ARL10: variants seen among roughly 807,000 people sequenced by gnomAD.
ARL10 encodes ARF like GTPase 10.
Under a neutral mutation model 26.1 loss-of-function variants are expected in ARL10, and 23 were observed. That is an observed-to-expected ratio of 0.88 (90% CI 0.63 to 1.25). ARL10 has a LOEUF of 1.25. Ranked by LOEUF, ARL10 falls within the 50% of genes most tolerant of loss-of-function variation. ARL10 has a pLI of 0.00. For synonymous variants in ARL10, 138 were observed against 149.1 expected (o/e 0.93, Z 0.54); for missense variants, 300 against 323.6 (o/e 0.93, Z 0.56).
the ARL10 span, among the ~76,000 whole-genome samples, chr5:176,412,327 A>G: frequency 6.6e-6 from 1 of 152,094 alleles, no homozygotes; most frequent in South Asian, 2.1e-4. Flanking sequence ...CCAGGATATC[A>G]TACAGTATCC....
the ARL10 span, among the ~76,000 whole-genome samples, chr5:176,413,066 C>T: frequency 6.6e-6 from 1 of 152,212 alleles, no homozygotes; most frequent in African/African-American, 2.4e-5. Context: ...GAGTGTTCCT[C>T]TGGACATGCA....
intron 1 of ARL10, among the ~76,000 whole-genome samples, chr5:176,400,063 C>T (rs1241497430): frequency 2.0e-5 from 3 of 151,504 alleles, no homozygotes; most frequent in African/African-American, 4.8e-5. Flanking sequence ...TGGTGGCCCG[C>T]ACCTGTAATC....
At chr5:176,389,509 G>A, downstream of ARL10, 1 of 1,602,786 alleles carries the variant, frequency 6.2e-7, no homozygotes, top group Non-Finnish European at 8.5e-7. Flanking sequence ...CCCAGGGTCT[G>A]GCCTTGAAAG....
intron 1 of ARL10, chr5:176,396,386 A>C: frequency 8.6e-7 from 1 of 1,158,366 alleles, no homozygotes; most frequent in Non-Finnish European, 1.3e-6. Context: ...GCCCAGCCAC[A>C]CTCATTTATA....
rs958962429 is a variant in ARL10 at position 176,365,499 on chromosome 5, G to T, written c.-65G>T. 1.5e-4 allele frequency: 178 copies of T among 1,159,232 alleles called. No homozygotes were observed. Among genetic ancestry groups the T allele is most frequent in the Non-Finnish European group, 1.9e-4 (172 of 927,938 alleles). The allele number at this position is 1,159,232 out of a possible 1,614,324, so 71.8% of individuals were successfully genotyped here. On this transcript the variant is annotated 5_prime_UTR_variant, in exon 1 of 4. Coordinates refer to ENST00000310389, the MANE Select transcript of ARL10 (RefSeq NM_173664.6). ...GCGCGGCCGCAGCAGTCGCAGCGGG[G>T]CCATCTTCGGCGGGCGAGTGGGCTC... is the stretch of plus-strand genomic sequence containing the variant.
intron 2 of ARL10, 128 bp downstream of exon 2, chr5:176,366,709 C>G: frequency 8.7e-7 from 1 of 1,150,700 alleles, no homozygotes; most frequent in Non-Finnish European, 1.2e-6. Flanking sequence ...CTTCCCACCG[C>G]TCTCCGGGGC....
At chr5:176,370,620 C>T (rs1043636758) in intron 3 of ARL10, among the ~76,000 whole-genome samples, 2 of 152,106 alleles carry the variant, frequency 1.3e-5, no homozygotes, top group Non-Finnish European at 2.9e-5. Context: ...TAATAGTGCC[C>T]GCTCTGAGCC....
chr5:176,376,910 C>T lies in ARL10; in HGVS notation c.*5015C>T, dbSNP rs1768704111. 6.6e-6 allele frequency: 1 copy of T among 152,208 alleles called. No individual in the cohort carries two copies. The highest frequency in any genetic ancestry group is 2.1e-4 in the South Asian group (1 of 4,830). 9.4% of individuals were successfully genotyped at this position (152,208 alleles called of 1,614,324 possible). A position where few individuals can be genotyped will look rare whatever the true frequency, so the allele number is the denominator to read the frequency against. ...TTTCTCTGATACCATCTCCAGAAGA[C>T]CTAGTCTCAGGTTACAGATTGTGAA... On this transcript the variant is annotated 3_prime_UTR_variant, in exon 4 of 4. Coordinates refer to ENST00000310389, the MANE Select transcript of ARL10 (RefSeq NM_173664.6).
At position 176,376,164 on chromosome 5, in the gene ARL10, A is replaced by G. The variant is rs1768690078; in HGVS notation, c.*4269A>G. On this transcript the variant is annotated 3_prime_UTR_variant, in exon 4 of 4. Coordinates refer to ENST00000310389, the MANE Select transcript of ARL10 (RefSeq NM_173664.6). The stretch of plus-strand genomic sequence containing the variant: ...ATCACGAGGTCAGGAGATCGAGACA[A>G]TCCTGGCTAACACAGTGAAACCCTG... 1 of 152,188 alleles carries G rather than the reference A, an allele frequency of 6.6e-6. No individual in the cohort carries two copies. Among genetic ancestry groups the G allele is most frequent in the Non-Finnish European group, 1.5e-5 (1 of 68,078 alleles). The allele number at this position is 152,188 out of a possible 1,614,324, so 9.4% of individuals were successfully genotyped here. A position where few individuals can be genotyped will look rare whatever the true frequency, so the allele number is the denominator to read the frequency against.
chr5:176,398,144 G>T, intron 1 of ARL10: 1 of 1,092,976 alleles, frequency 9.1e-7, no homozygotes, highest in Non-Finnish European at 1.4e-6. Context: ...GGATAACTCA[G>T]CCTCAAACAA....
chr5:176,406,641 T>C, downstream of ARL10: 9 of 1,289,374 alleles, frequency 7.0e-6, no homozygotes, highest in South Asian at 1.1e-4. Flanking sequence ...GGAATAGTTG[T>C]GGGCAGGCTC....
intron 1 of ARL10, among the ~76,000 whole-genome samples, chr5:176,387,897 TGTAA>T (rs1242752658): frequency 6.6e-6 from 1 of 151,882 alleles, no homozygotes; most frequent in Non-Finnish European, 1.5e-5. Flanking sequence ...AAAGAAAAGG[TGTAA>T]GTAAAGATCT....
At chr5:176,412,630 TG>T in the ARL10 span, among the ~76,000 whole-genome samples, 1 of 152,170 alleles carries the variant, frequency 6.6e-6, no homozygotes, top group Non-Finnish European at 1.5e-5. Context: ...GTGTTTGGCC[TG>T]GGGACTCAAG....
chr5:176,407,334 C>T, the ARL10 span, among the ~76,000 whole-genome samples: 1 of 152,158 alleles, frequency 6.6e-6, no homozygotes, highest in Non-Finnish European at 1.5e-5. Context: ...GAGACAAAGT[C>T]TCGCTCTGTC....
chr5:176,392,577 C>T (rs1756300293), downstream of ARL10: 5 of 591,324 alleles, frequency 8.5e-6, no homozygotes, highest in Non-Finnish European at 1.5e-5. The surrounding 1 kb of genome is among the most constrained non-coding windows in gnomAD (Gnocchi z 5.2). Context: ...TGAGAGGAGG[C>T]GTGAGGGGCT....
intron 1 of ARL10, chr5:176,397,614 T>C (rs150871711): frequency 9.0e-5 from 141 of 1,560,926 alleles, no homozygotes; most frequent in Middle Eastern, 1.7e-4. Flanking sequence ...CACCGGTTGT[T>C]GATCTTGTTC....
At chr5:176,405,035 G>A (rs1757035033), downstream of ARL10, among the ~76,000 whole-genome samples, 2 of 152,206 alleles carry the variant, frequency 1.3e-5, no homozygotes, top group Admixed American at 1.3e-4. Flanking sequence ...ACATCACAGG[G>A]AGTTGGGAGG....
chr5:176,389,416 C>T (rs746732353), downstream of ARL10: 14 of 1,614,084 alleles, frequency 8.7e-6, no homozygotes, highest in East Asian at 2.2e-5. Context: ...TCATGATGCG[C>T]ACCCGGATCG....
chr5:176,385,732 A>C (rs1419284716), downstream of ARL10, among the ~76,000 whole-genome samples: 1 of 152,188 alleles, frequency 6.6e-6, no homozygotes, highest in Non-Finnish European at 1.5e-5. Flanking sequence ...GTATTATTGC[A>C]ACACATGAAA....
Sources: allele counts gnomAD v4.1 joint callset (sites outside exome capture counted in the v4.1 genomes callset), GRCh38; gene constraint gnomAD v4.1.1; non-coding constraint Gnocchi (gnomAD v3.1); transcripts MANE v1.5; gene names NCBI Gene and HGNC (gene_info 2026-07-23, HGNC 2026-07-21).